Variants in GID8 observed in about 807,000 individuals in gnomAD.
GID8 encodes the protein glucose-induced degradation protein 8 homolog.
GID8 carries 6 observed loss-of-function variants against 27.4 expected under a neutral mutation model. The ratio of observed to expected loss-of-function variants is 0.22; its 90% CI spans 0.12 to 0.43. GID8 has a LOEUF of 0.43. Among genes scored for constraint, GID8 ranks in the 20% least tolerant of loss-of-function variants. The pLI is 1.00. For missense variants in GID8, 173 were observed against 287.6 expected, an observed-to-expected ratio of 0.60 and a Z score of 2.88; for synonymous variants, 112 against 109.0, an observed-to-expected ratio of 1.03 and a Z score of -0.17.
Position 62,945,017 on chromosome 20 carries a change from C to A in GID8, c.*105C>A. 6.9e-7 allele frequency: 1 copy of A among 1,446,656 alleles called. No individual in the cohort carries two copies. Among genetic ancestry groups the A allele is most frequent in the Non-Finnish European group, 9.1e-7 (1 of 1,099,064 alleles). The allele number at this position is 1,446,656 out of a possible 1,614,324, so 89.6% of individuals were successfully genotyped here. A position where few individuals can be genotyped will look rare whatever the true frequency, so the allele number is the denominator to read the frequency against. ...CTTACTGCAGTAGAGAACTCTTTTT[C>A]TCCCTTGTACTTTTTTTTGACCTGG... On this transcript the variant is annotated 3_prime_UTR_variant, in exon 5 of 5. Transcript: ENST00000266069.
At chr20:62,942,847 A>T in intron 2 of GID8, 140 bp from the exon 3 acceptor site, 1 of 614,448 alleles carries the variant, frequency 1.6e-6, no homozygotes, top group East Asian at 2.7e-5. Context: ...AATTATAAAG[A>T]TATTAATACC....
At position 62,943,771 on chromosome 20, in the gene GID8, C is replaced by T. The variant is rs1482150140; in HGVS notation, c.513+79C>T. 2.7e-6 allele frequency: 3 copies of T among 1,126,114 alleles called. No individual in the cohort carries two copies. The highest frequency in any genetic ancestry group is 3.1e-5 in the African/African-American group (2 of 65,024). 69.8% of individuals were successfully genotyped at this position (1,126,114 alleles called of 1,614,324 possible). A position where few individuals can be genotyped will look rare whatever the true frequency, so the allele number is the denominator to read the frequency against. ...CTTCGTGACAACGCCAAGTGTGTGG[C>T]TTTGCTGTGTGGACTGAGAGACAGG... On this transcript the variant is annotated intron_variant, in intron 4 of 4. Coordinates refer to ENST00000266069, the MANE Select transcript of GID8 (RefSeq NM_017896.3). The surrounding 1 kb of genome is among the most constrained non-coding windows in gnomAD (Gnocchi z 4.7).
rs2065452769 is a variant in GID8, at chr20:62,943,510, G to A, written c.331G>A (p.Glu111Lys). Residue 111 changes from glutamate (E) to lysine (K), a missense_variant, in exon 4 of 5, where the codon GAG (glutamate) becomes AAG (lysine). Transcript: ENST00000266069. The surrounding 1 kb of genome is among the most constrained non-coding windows in gnomAD (Gnocchi z 4.7). ...YFHLQQQHLI[E>K]LIRQRETEAA... ...CTGCCTCCAGCAACAGCATTTGATC[G>A]AGCTGATCCGCCAGCGGGAGACAGA... The A allele has an allele frequency of 1.2e-6, 2 of 1,612,180 alleles. No homozygotes were observed. The highest frequency in any genetic ancestry group is 1.7e-6 in the Non-Finnish European group (2 of 1,179,988).
intron 1 of GID8, 23 bp from the exon 2 acceptor site, chr20:62,941,468 C>T (rs903497107): frequency 7.5e-7 from 1 of 1,337,632 alleles, no homozygotes; most frequent in Non-Finnish European, 1.1e-6. Flanking sequence ...ACCCCTCCCT[C>T]AGCTGTTATT....
rs2065460740 is a variant in GID8 at position 62,945,167 on chromosome 20, C to G, written c.*255C>G. On this transcript the variant is annotated 3_prime_UTR_variant, in exon 5 of 5. Transcript: ENST00000266069. The stretch of plus-strand genomic sequence containing the variant: ...ACTCGCTGAAGAATCTGGAAGGTTG[C>G]GGTTTGCTCTTCCAGTGTTCGGGGG... The G allele has an allele frequency of 2.4e-6, 3 of 1,260,688 alleles. No individual in the cohort carries two copies. The highest frequency in any genetic ancestry group is 2.0e-6 in the Non-Finnish European group (2 of 997,418). The allele number at this position is 1,260,688 out of a possible 1,614,324, so 78.1% of individuals were successfully genotyped here. A position where few individuals can be genotyped will look rare whatever the true frequency, so the allele number is the denominator to read the frequency against.
Position 62,945,743 on chromosome 20 carries a change from T to C in GID8, c.*831T>C. 1 of 1,217,608 alleles carries C rather than the reference T, an allele frequency of 8.2e-7. No homozygotes were observed. The highest frequency in any genetic ancestry group is 1.1e-6 in the Non-Finnish European group (1 of 949,084). 75.4% of individuals were successfully genotyped at this position (1,217,608 alleles called of 1,614,324 possible). A position where few individuals can be genotyped will look rare whatever the true frequency, so the allele number is the denominator to read the frequency against. On this transcript the variant is annotated 3_prime_UTR_variant, in exon 5 of 5. Coordinates refer to ENST00000266069, the MANE Select transcript of GID8 (RefSeq NM_017896.3). ...AGTGGCTTTTTCTGGTACCTGCAGC[T>C]GGAAAGGCCACTTGGCCCTGTGCTG... is the stretch of plus-strand genomic sequence containing the variant.
At chr20:62,939,013 G>C (rs2065423858) in intron 1 of GID8, among the ~76,000 whole-genome samples, 3 of 152,114 alleles carry the variant, frequency 2.0e-5, no homozygotes, top group African/African-American at 7.2e-5. Flanking sequence ...AGTTACTCTG[G>C]AGGCTGAGGT....
Position 62,943,293 on chromosome 20 carries a change from G to C in GID8, c.315+110G>C. 1 of 988,868 alleles carries C rather than the reference G, an allele frequency of 1.0e-6. No homozygotes were observed. Among genetic ancestry groups the C allele is most frequent in the South Asian group, 1.6e-5 (1 of 63,598 alleles). 61.3% of individuals were successfully genotyped at this position (988,868 alleles called of 1,614,324 possible). ...TTTGCTTTAATAATGTTATTTCAAT[G>C]CATGTGAGGGGGAGAGGTTTGAGTT... On this transcript the variant is annotated intron_variant, in intron 3 of 4. Coordinates refer to ENST00000266069, the MANE Select transcript of GID8 (RefSeq NM_017896.3). The surrounding 1 kb of genome is among the most constrained non-coding windows in gnomAD (Gnocchi z 4.7).
intron 1 of GID8, among the ~76,000 whole-genome samples, chr20:62,941,219 G>C (rs759258186): frequency 2.0e-5 from 3 of 152,262 alleles, no homozygotes; most frequent in Non-Finnish European, 4.4e-5. Flanking sequence ...GAATTGCTGG[G>C]TTGTGAGGAG....
chr20:62,939,493 C>T (rs2065428899), intron 1 of GID8, among the ~76,000 whole-genome samples: 1 of 150,466 alleles, frequency 6.6e-6, no homozygotes, highest in African/African-American at 2.4e-5. Flanking sequence ...CAGACACCTG[C>T]TTGATTTCTC....
At chr20:62,942,343 T>A (rs2147630890) in intron 2 of GID8, among the ~76,000 whole-genome samples, 1 of 152,226 alleles carries the variant, frequency 6.6e-6, no homozygotes, top group Middle Eastern at 3.4e-3. Context: ...TCCCAGCTAC[T>A]TGGGAGGCTG....
chr20:62,948,411 G>A lies in GID8; in HGVS notation c.*3499G>A, dbSNP rs1054522889. ...CCCCTCTGTATCTTTTGAGAAGTGC[G>A]GAATAGGTTGCTTCTACCACCTGTT... On this transcript the variant is annotated 3_prime_UTR_variant, in exon 5 of 5. Transcript: ENST00000266069. 6.6e-6 allele frequency: 1 copy of A among 152,096 alleles called. No individual in the cohort carries two copies. Among genetic ancestry groups the A allele is most frequent in the Non-Finnish European group, 1.5e-5 (1 of 68,030 alleles). 9.4% of individuals were successfully genotyped at this position (152,096 alleles called of 1,614,324 possible).
In GID8 at chr20:62,943,767, G is replaced by C. The variant is rs574352455; in HGVS notation, c.513+75G>C. The C allele has an allele frequency of 2.6e-6, 3 of 1,166,588 alleles. No homozygotes were observed. Among genetic ancestry groups the C allele is most frequent in the African/African-American group, 3.0e-5 (2 of 66,024 alleles). The allele number at this position is 1,166,588 out of a possible 1,614,324, so 72.3% of individuals were successfully genotyped here. A position where few individuals can be genotyped will look rare whatever the true frequency, so the allele number is the denominator to read the frequency against. Reference sequence around the variant, plus strand: ...GGGGCTTCGTGACAACGCCAAGTGTGTGGCTTTGCTGTGTGGACTGAGAGA... The same window carrying C: ...GGGGCTTCGTGACAACGCCAAGTGTCTGGCTTTGCTGTGTGGACTGAGAGA... On this transcript the variant is annotated intron_variant, in intron 4 of 4. Coordinates refer to ENST00000266069, the MANE Select transcript of GID8 (RefSeq NM_017896.3). The surrounding 1 kb of genome is among the most constrained non-coding windows in gnomAD (Gnocchi z 4.7).
rs1424394583 is a variant in GID8 at position 62,948,147 on chromosome 20, G to T, written c.*3235G>T. On this transcript the variant is annotated 3_prime_UTR_variant, in exon 5 of 5. Transcript: ENST00000266069. ...TGGCAGACCCATGGCTGGCGCAGCT[G>T]CCTGTTGCCGTCTGTCTTCAGTAAC... 1 of 152,272 alleles carries T rather than the reference G, an allele frequency of 6.6e-6. No homozygotes were observed. The highest frequency in any genetic ancestry group is 2.4e-5 in the African/African-American group (1 of 41,478). 9.4% of individuals were successfully genotyped at this position (152,272 alleles called of 1,614,324 possible). A position where few individuals can be genotyped will look rare whatever the true frequency, so the allele number is the denominator to read the frequency against.
At chr20:62,939,117 CAAAAAA>C (rs5842408) in intron 1 of GID8, among the ~76,000 whole-genome samples, 1 of 144,490 alleles carries the variant, frequency 6.9e-6, no homozygotes, top group African/African-American at 2.5e-5. Flanking sequence ...GGCTCTGTCT[CAAAAAA>C]AAAAGAAAAA....
In GID8 at chr20:62,946,132, T is replaced by G; in HGVS notation, c.*1220T>G. ...TGACCCCACTGAGCAGTGCTAAGTG[T>G]TGGTTTAGTGGATGTTCGTGGAATT... On this transcript the variant is annotated 3_prime_UTR_variant, in exon 5 of 5. Coordinates refer to ENST00000266069, the MANE Select transcript of GID8 (RefSeq NM_017896.3). 4.9e-6 allele frequency: 4 copies of G among 812,052 alleles called. No individual in the cohort carries two copies. Among genetic ancestry groups the G allele is most frequent in the South Asian group, 1.6e-5 (1 of 63,274 alleles). 50.3% of individuals were successfully genotyped at this position (812,052 alleles called of 1,614,324 possible).
intron 1 of GID8, chr20:62,938,736 C>G (rs1200037737): frequency 6.6e-6 from 1 of 152,222 alleles, no homozygotes; most frequent in Admixed American, 6.5e-5. Context: ...CTGGCCAGTT[C>G]TACAAAGTTG....
At chr20:62,940,081 AT>A (rs2065434725) in intron 1 of GID8, among the ~76,000 whole-genome samples, 5 of 151,850 alleles carry the variant, frequency 3.3e-5, no homozygotes, top group Non-Finnish European at 7.4e-5. Flanking sequence ...TGCCACGTAC[AT>A]ATTTGTTGCT....
intron 1 of GID8, among the ~76,000 whole-genome samples, chr20:62,941,032 G>A (rs1384279313): frequency 1.3e-5 from 2 of 152,204 alleles, no homozygotes; most frequent in Non-Finnish European, 2.9e-5. Context: ...TCTGCCCAAG[G>A]GTTTTAAACA....
Sources: allele counts gnomAD v4.1 joint callset (sites outside exome capture counted in the v4.1 genomes callset), GRCh38; gene constraint gnomAD v4.1.1; non-coding constraint Gnocchi (gnomAD v3.1); transcripts MANE v1.5; gene names NCBI Gene and HGNC (gene_info 2026-07-23, HGNC 2026-07-21).